Variants in ECT2L observed in about 807,000 individuals in gnomAD.
ECT2L encodes the protein epithelial cell transforming 2 like, also known as epithelial cell-transforming sequence 2 oncogene-like.
In ECT2L, 126 loss-of-function variants were observed where a neutral mutation model predicts 122.8. That is an observed-to-expected ratio of 1.03 (90% CI 0.89 to 1.19). The LOEUF (loss-of-function observed/expected upper bound fraction) is 1.19. ECT2L is among the 50% of genes most tolerant of loss of function. ECT2L has a pLI of 0.00. For missense variants in ECT2L, 1,012 were observed against 1,064.1 expected (o/e 0.95, Z 0.68); for synonymous variants, 385 against 381.8 (o/e 1.01, Z -0.10).
chr6:138,813,890 C>T (rs922032869), intron 3 of ECT2L, among the ~76,000 whole-genome samples: 3 of 152,130 alleles, frequency 2.0e-5, no homozygotes, highest in Non-Finnish European at 2.9e-5. Flanking sequence ...TAAAGCCTGA[C>T]CTATGATAAT....
intron 16 of ECT2L, 129 bp downstream of exon 16, chr6:138,883,000 G>A (rs1449445014): frequency 9.0e-6 from 9 of 1,000,886 alleles, no homozygotes; most frequent in Non-Finnish European, 1.3e-5. Context: ...TTCCCATACT[G>A]TGTGATCTCT....
intron 21 of ECT2L, among the ~76,000 whole-genome samples, chr6:138,902,006 G>GT (rs1779412101): frequency 6.6e-6 from 1 of 152,226 alleles, no homozygotes; most frequent in African/African-American, 2.4e-5. Context: ...TATGGTTAGT[G>GT]TATGAAACAT....
intron 19 of ECT2L, 86 bp from the exon 20 acceptor site, chr6:138,888,857 A>T: frequency 2.1e-6 from 1 of 467,784 alleles, no homozygotes; most frequent in African/African-American, 2.0e-5. Flanking sequence ...TAACATTTGC[A>T]TATTCTGAGA....
intron 5 of ECT2L, among the ~76,000 whole-genome samples, chr6:138,839,477 C>T (rs2128387591): frequency 6.6e-6 from 1 of 152,162 alleles, no homozygotes; most frequent in Admixed American, 6.5e-5. Flanking sequence ...GATCCTCTCA[C>T]CTCAACCTCC....
intron 16 of ECT2L, 67 bp downstream of exon 16, chr6:138,882,938 GA>G: frequency 6.5e-7 from 1 of 1,534,552 alleles, no homozygotes; most frequent in South Asian, 1.2e-5. Context: ...TGTGGAACCC[GA>G]AAGACCAGCG....
intron 5 of ECT2L, among the ~76,000 whole-genome samples, 178 bp downstream of exon 5, chr6:138,838,692 A>G (rs575959125): frequency 2.2e-4 from 33 of 152,356 alleles, no homozygotes; most frequent in Middle Eastern, 6.8e-3. Context: ...TTCTATAAAT[A>G]AGGAATATAG....
chr6:138,811,921 T>C (rs1583546073), intron 1 of ECT2L, among the ~76,000 whole-genome samples: 1 of 152,212 alleles, frequency 6.6e-6, no homozygotes, highest in East Asian at 1.9e-4. Flanking sequence ...ACTCCTGGCC[T>C]CAAGTGATCC....
rs573485730 is a variant in ECT2L, at chr6:138,829,098, T to A, written c.180-9254T>A. On this transcript the variant is annotated intron_variant, in intron 4 of 21. Coordinates refer to ENST00000541398, the MANE Select transcript of ECT2L (RefSeq NM_001077706.3). ...GTCTCGAACTCCTGGCCTCAAATTA[T>A]CCTCCCACCTTGGCCTACCAAAGTA... Among the ~76,000 whole-genome samples the A allele has an allele frequency of 5.3e-5, 8 of 152,098 alleles. No individual in the cohort carries two copies. In the East Asian group the frequency reaches 1.5e-3, roughly 29 times the overall value.
At chr6:138,824,863 G>C (rs978776818) in intron 4 of ECT2L, among the ~76,000 whole-genome samples, 1 of 152,122 alleles carries the variant, frequency 6.6e-6, no homozygotes, top group Non-Finnish European at 1.5e-5. Context: ...TCTAACCCAC[G>C]ATACTCGTTC....
intron 14 of ECT2L, 85 bp downstream of exon 14, chr6:138,876,643 T>A (rs1778462711): frequency 6.2e-6 from 5 of 809,456 alleles, no homozygotes; most frequent in Non-Finnish European, 9.2e-6. Context: ...GTTCTTCATT[T>A]TCCTTGAAAA....
At chr6:138,811,954 G>T (rs1775917357) in intron 1 of ECT2L, among the ~76,000 whole-genome samples, 1 of 152,160 alleles carries the variant, frequency 6.6e-6, no homozygotes, top group African/African-American at 2.4e-5. Context: ...CTCCCAAAGT[G>T]CTGGGATTAC....
At chr6:138,836,122 A>T (rs6916561) in intron 4 of ECT2L, among the ~76,000 whole-genome samples, 4 of 151,710 alleles carry the variant, frequency 2.6e-5, no homozygotes, top group East Asian at 1.9e-4. Flanking sequence ...CCATAGCTGG[A>T]GATTACATCC....
rs754296302 is a variant in ECT2L at position 138,867,999 on chromosome 6, C to CAAA, written c.1475-86_1475-84dup. The CAAA allele has an allele frequency of 5.5e-3, 1,847 of 335,240 alleles. 18 individuals carry two copies. The highest frequency in any genetic ancestry group is 7.8e-3 in the South Asian group (199 of 25,474). The allele number at this position is 335,240 out of a possible 1,614,324, so 20.8% of individuals were successfully genotyped here. ...TGGGCAACAGAGTAAGATTCTGTCT[C>CAAA]AAAAAAAAAAAAAAAAAAAAGAAAC... On this transcript the variant is annotated intron_variant, in intron 12 of 21. Transcript: ENST00000541398.
intron 21 of ECT2L, 28 bp from the exon 22 acceptor site, chr6:138,902,468 GATTA>G (rs1779435930): frequency 1.3e-6 from 2 of 1,587,700 alleles, no homozygotes; most frequent in African/African-American, 1.4e-5. Context: ...TATCTGCAAA[GATTA>G]ATTAGTATAC....
At chr6:138,867,999 C>CAAAAAAAAAA (rs754296302) in intron 12 of ECT2L, 104 bp from the exon 13 acceptor site, 114 of 335,990 alleles carry the variant, frequency 3.4e-4, no homozygotes, top group African/African-American at 1.2e-3. Context: ...GATTCTGTCT[C>CAAAAAAAAAA]AAAAAAAAAA....
intron 19 of ECT2L, 54 bp from the exon 20 acceptor site, chr6:138,888,889 A>T: frequency 1.1e-6 from 1 of 877,868 alleles, no homozygotes; most frequent in Non-Finnish European, 1.6e-6. Context: ...TTGCAGTAGT[A>T]ATTTTATTTA....
In ECT2L at chr6:138,865,147, A is replaced by C; in HGVS notation, c.1443A>C (p.Glu481Asp). 6.2e-7 allele frequency: 1 copy of C among 1,613,158 alleles called. No homozygotes were observed. The highest frequency in any genetic ancestry group is 8.5e-7 in the Non-Finnish European group (1 of 1,179,378). ...VRKQLYPFFK[E>D]LQKSISGRMI... The stretch of plus-strand genomic sequence containing the variant: ...AGCAGCTGTATCCTTTCTTCAAGGA[A>C]CTGCAGAAGAGCATCAGTGGCAGGA... The change falls in exon 12 of 22, where the codon GAA (glutamate) becomes GAC (aspartate). Residue 481 changes from glutamate to aspartate, a missense_variant. Transcript: ENST00000541398.
intron 4 of ECT2L, among the ~76,000 whole-genome samples, chr6:138,821,362 C>T (rs1388753621): frequency 6.6e-6 from 1 of 152,200 alleles, no homozygotes; most frequent in Admixed American, 6.5e-5. Flanking sequence ...CGTAGTGAAA[C>T]CAATGGCTTC....
intron 1 of ECT2L, among the ~76,000 whole-genome samples, chr6:138,801,685 G>A (rs1489126151): frequency 6.6e-6 from 1 of 152,154 alleles, no homozygotes; most frequent in Non-Finnish European, 1.5e-5. Context: ...AACCAGGGAG[G>A]TGGAAGTTGC....
Sources: allele counts gnomAD v4.1 joint callset (sites outside exome capture counted in the v4.1 genomes callset), GRCh38; gene constraint gnomAD v4.1.1; transcripts MANE v1.5; gene names NCBI Gene and HGNC (gene_info 2026-07-23, HGNC 2026-07-21).